Variants in SDK1 observed in about 807,000 individuals in gnomAD.
The protein encoded by SDK1 is protein sidekick-1.
Under a neutral mutation model 245.5 loss-of-function variants are expected in SDK1, and 157 were observed. The observed-to-expected ratio is 0.64, with a 90% CI of 0.56 to 0.73. The LOEUF (loss-of-function observed/expected upper bound fraction) is 0.73. SDK1 is among the 30% of genes least tolerant of loss of function. SDK1 has a pLI of 0.00. For missense variants in SDK1, 3,583 were observed against 3,002.3 expected, an observed-to-expected ratio of 1.19 and a Z score of -4.52; for synonymous variants, 1,647 against 1,278.5, an observed-to-expected ratio of 1.29 and a Z score of -6.15.
Position 4,221,286 on chromosome 7 carries a change from G to C in SDK1, c.5749G>C (p.Glu1917Gln), listed in dbSNP as rs201442696. 30 of 1,613,732 alleles carry C rather than the reference G, an allele frequency of 1.9e-5. No homozygotes were observed. Among genetic ancestry groups the C allele is most frequent in the African/African-American group, 2.7e-5 (2 of 74,922 alleles). The change falls in exon 40 of 45, where the codon GAA becomes CAA. Residue 1917 changes from glutamate (E) to glutamine (Q), a missense_variant. By Grantham distance (29) the Glu-to-Gln change is conservative. Transcript: ENST00000404826. ...RDVLVTKSAS[E>Q]LTLQWTEGHS... ...TGTCCTGGTCACCAAGTCCGCCTCTGAACTGACGCTGCAGTGGACTGAGGG... is the reference window on the plus strand; with the variant it reads ...TGTCCTGGTCACCAAGTCCGCCTCTCAACTGACGCTGCAGTGGACTGAGGG...
chr7:3,486,635 C>T (rs1231059730), intron 1 of SDK1, among the ~76,000 whole-genome samples: 1 of 151,674 alleles, frequency 6.6e-6, no homozygotes, highest in Non-Finnish European at 1.5e-5. Context: ...GGAAATTTTT[C>T]TTCAGTTTTT....
intron 8 of SDK1, among the ~76,000 whole-genome samples, chr7:3,961,643 T>G (rs1230653109): frequency 6.6e-6 from 1 of 152,190 alleles, no homozygotes; most frequent in African/African-American, 2.4e-5. Context: ...ACAAGGTTAC[T>G]TAACCTAACA....
At chr7:4,142,604 G>A (rs1008238231) in intron 28 of SDK1, among the ~76,000 whole-genome samples, 1 of 152,184 alleles carries the variant, frequency 6.6e-6, no homozygotes, top group African/African-American at 2.4e-5. Context: ...TGAGATTACA[G>A]CCATGAGCCA....
At chr7:3,688,788 C>A (rs1011689745) in intron 4 of SDK1, among the ~76,000 whole-genome samples, 9 of 152,178 alleles carry the variant, frequency 5.9e-5, no homozygotes, top group Non-Finnish European at 1.3e-4. Flanking sequence ...GTCTTTCAGG[C>A]CTCAGTTTGG....
chr7:3,587,700 C>A (rs1187703020), intron 1 of SDK1, among the ~76,000 whole-genome samples: 1 of 152,258 alleles, frequency 6.6e-6, no homozygotes, highest in Admixed American at 6.5e-5. Context: ...TTCACAGACA[C>A]ACCCAGGAAT....
chr7:3,940,964 C>G (rs925586332), intron 5 of SDK1, among the ~76,000 whole-genome samples: 2 of 152,052 alleles, frequency 1.3e-5, no homozygotes, highest in African/African-American at 2.4e-5. Context: ...AACCTGCGCA[C>G]CTGGGTACCC....
At chr7:3,668,465 A>G (rs1783602598) in intron 4 of SDK1, among the ~76,000 whole-genome samples, 1 of 152,194 alleles carries the variant, frequency 6.6e-6, no homozygotes, top group Non-Finnish European at 1.5e-5. Flanking sequence ...TACAGAGAGA[A>G]GCTGTCACAT....
intron 1 of SDK1, among the ~76,000 whole-genome samples, chr7:3,601,251 T>G (rs1781244732): frequency 6.6e-6 from 1 of 152,196 alleles, no homozygotes; most frequent in East Asian, 1.9e-4. Flanking sequence ...TGGGAGATGT[T>G]TCTTTCTCTA....
intron 4 of SDK1, among the ~76,000 whole-genome samples, chr7:3,743,556 C>G (rs1290615208): frequency 6.6e-6 from 1 of 152,154 alleles, no homozygotes; most frequent in Admixed American, 6.5e-5. Context: ...GTCTACTTTA[C>G]CAGAATGGGT....
intron 32 of SDK1, 134 bp from the exon 33 acceptor site, chr7:4,174,088 C>T (rs1403926189): frequency 1.1e-6 from 1 of 907,018 alleles, no homozygotes; most frequent in African/African-American, 1.6e-5. Flanking sequence ...CTTGATGAAT[C>T]TGACACCTGT....
intron 4 of SDK1, among the ~76,000 whole-genome samples, chr7:3,711,511 G>A (rs192571891): frequency 8.5e-5 from 13 of 152,278 alleles, no homozygotes; most frequent in South Asian, 4.2e-4. Flanking sequence ...GTGGGTGATC[G>A]GGAAGGCTGC....
intron 4 of SDK1, among the ~76,000 whole-genome samples, chr7:3,792,697 C>A: frequency 6.8e-6 from 1 of 147,968 alleles, no homozygotes. Flanking sequence ...GTCTCCCATC[C>A]ATCCATCCAT....
rs1477662258 is a variant in SDK1, at chr7:4,235,239, A to G, written c.5992+1820A>G. 2.6e-5 allele frequency among the ~76,000 whole-genome samples: 4 copies of G among 152,124 alleles called. No homozygotes were observed. In the East Asian group the frequency reaches 5.8e-4, roughly 22 times the overall value. On this transcript the variant is annotated intron_variant, in intron 41 of 44. Coordinates refer to ENST00000404826, the MANE Select transcript of SDK1 (RefSeq NM_152744.4). The stretch of plus-strand genomic sequence containing the variant: ...GAGTGCAGTGGCGTGATCTTAGCTC[A>G]CTGCAACCTCCGTCTCCCGGGTTCA...
chr7:3,490,737 G>A (rs1478801777), intron 1 of SDK1, among the ~76,000 whole-genome samples: 2 of 152,314 alleles, frequency 1.3e-5, no homozygotes, highest in South Asian at 2.1e-4. Context: ...GGAGGGGTCT[G>A]TGAGCCCCTG....
chr7:3,633,714 G>C (rs1352304809), intron 2 of SDK1, among the ~76,000 whole-genome samples: 1 of 152,126 alleles, frequency 6.6e-6, no homozygotes, highest in Admixed American at 6.5e-5. Context: ...AATTATTTTG[G>C]CTATGTTCTA....
chr7:4,254,952 G>T (rs886814236), intron 44 of SDK1, among the ~76,000 whole-genome samples: 3 of 152,172 alleles, frequency 2.0e-5, no homozygotes, highest in Non-Finnish European at 4.4e-5. Context: ...CATGATTGGC[G>T]TCATACCCAG....
chr7:4,197,555 G>T (rs571295031), intron 35 of SDK1, among the ~76,000 whole-genome samples: 1 of 152,178 alleles, frequency 6.6e-6, no homozygotes, highest in African/African-American at 2.4e-5. Flanking sequence ...CGCGGTCAAG[G>T]CCTAATAGCC....
intron 4 of SDK1, among the ~76,000 whole-genome samples, chr7:3,715,264 C>A (rs549838043): frequency 2.0e-5 from 3 of 152,028 alleles, no homozygotes; most frequent in Non-Finnish European, 4.4e-5. Context: ...AGATGAGCTG[C>A]AGACTATATA....
intron 1 of SDK1, among the ~76,000 whole-genome samples, chr7:3,475,822 A>C (rs530899128): frequency 6.6e-6 from 1 of 152,232 alleles, no homozygotes; most frequent in African/African-American, 2.4e-5. Context: ...TTTAAAAATC[A>C]CCTGAGCTGC....
Sources: allele counts gnomAD v4.1 joint callset (sites outside exome capture counted in the v4.1 genomes callset), GRCh38; gene constraint gnomAD v4.1.1; transcripts MANE v1.5; gene names NCBI Gene and HGNC (gene_info 2026-07-23, HGNC 2026-07-21).